SYT1: variants seen among roughly 807,000 people sequenced by gnomAD.
SYT1 encodes the protein synaptotagmin-1.
Under a neutral mutation model 44.8 loss-of-function variants are expected in SYT1, and 8 were observed. The observed-to-expected ratio is 0.18, with a 90% CI of 0.10 to 0.32. The LOEUF (loss-of-function observed/expected upper bound fraction) is 0.32, where lower values mean the gene tolerates loss of function less well. Among genes scored for constraint, SYT1 ranks in the 10% least tolerant of loss-of-function variants. The pLI is 1.00. For synonymous variants in SYT1, 154 were observed against 188.8 expected (o/e 0.82, Z 1.51); for missense variants, 286 against 509.3 (o/e 0.56, Z 4.22).
intron 1 of SYT1, among the ~76,000 whole-genome samples, chr12:78,945,253 C>T (rs568826965): frequency 6.6e-6 from 1 of 151,906 alleles, no homozygotes; most frequent in Admixed American, 6.5e-5. Flanking sequence ...AATATAAATG[C>T]ACCTTAACTT....
chr12:79,190,907 A>G (rs1019549190), intron 3 of SYT1, among the ~76,000 whole-genome samples: 26 of 152,040 alleles, frequency 1.7e-4, no homozygotes, highest in African/African-American at 6.3e-4. Context: ...CCATGTCCCC[A>G]ATAATGAGAG....
intron 2 of SYT1, among the ~76,000 whole-genome samples, chr12:79,023,288 T>C: frequency 6.6e-6 from 1 of 151,928 alleles, no homozygotes; most frequent in East Asian, 1.9e-4. Flanking sequence ...ATGGCTGTCA[T>C]TGTGCTCTGA....
chr12:79,307,627 TG>T (rs1323331848), intron 8 of SYT1, among the ~76,000 whole-genome samples: 4 of 8,100 alleles, frequency 4.9e-4, no homozygotes, highest in Non-Finnish European at 1.3e-3. Context: ...GGGGTGGGGG[TG>T]GGGGGGCGTG....
chr12:79,045,426 C>G (rs1480502610), intron 2 of SYT1: 3 of 153,486 alleles, frequency 2.0e-5, no homozygotes, highest in African/African-American at 7.2e-5. Flanking sequence ...CGAAAGGGAA[C>G]TCCCTGACCC....
intron 3 of SYT1, among the ~76,000 whole-genome samples, chr12:79,061,318 T>A (rs1293062167): frequency 6.6e-6 from 1 of 152,014 alleles, no homozygotes; most frequent in East Asian, 2.0e-4. Flanking sequence ...GACACGCTCA[T>A]ATACACATAT....
intron 9 of SYT1, among the ~76,000 whole-genome samples, chr12:79,390,138 T>C (rs1884597839): frequency 6.6e-6 from 1 of 152,038 alleles, no homozygotes; most frequent in Non-Finnish European, 1.5e-5. Context: ...TTTCACTGTT[T>C]TAGCCAGGAT....
chr12:79,442,367 G>C (rs915884050), intron 9 of SYT1, among the ~76,000 whole-genome samples: 1 of 152,162 alleles, frequency 6.6e-6, no homozygotes, highest in African/African-American at 2.4e-5. Context: ...ACTGTTTACA[G>C]TGGATTTTTT....
intron 3 of SYT1, among the ~76,000 whole-genome samples, chr12:79,068,268 T>C (rs1876014971): frequency 6.6e-6 from 1 of 152,180 alleles, no homozygotes; most frequent in African/African-American, 2.4e-5. Flanking sequence ...GAGATTCCAA[T>C]TAGTAAATTA....
chr12:78,985,437 GAAT>G (rs1431560751), intron 2 of SYT1, among the ~76,000 whole-genome samples: 2 of 151,742 alleles, frequency 1.3e-5, no homozygotes, highest in South Asian at 2.1e-4. Flanking sequence ...TGAATACATA[GAAT>G]AATCAGACTA....
At chr12:79,283,659 T>G (rs1278919637) in intron 4 of SYT1, among the ~76,000 whole-genome samples, 2 of 152,132 alleles carry the variant, frequency 1.3e-5, no homozygotes, top group African/African-American at 4.8e-5. Flanking sequence ...TTTAACTAAA[T>G]CAATGGAGAT....
chr12:79,349,717 A>G (rs1882805934), intron 8 of SYT1, among the ~76,000 whole-genome samples: 1 of 152,186 alleles, frequency 6.6e-6, no homozygotes. Flanking sequence ...CATCACCATA[A>G]TCCCACCAAA....
At chr12:79,390,366 G>C (rs1052813197) in intron 9 of SYT1, among the ~76,000 whole-genome samples, 5 of 152,106 alleles carry the variant, frequency 3.3e-5, no homozygotes, top group African/African-American at 1.2e-4. Flanking sequence ...AATATTGATA[G>C]GTACAAAGGC....
At chr12:79,319,548 T>C (rs1780056503) in intron 8 of SYT1, among the ~76,000 whole-genome samples, 1 of 152,128 alleles carries the variant, frequency 6.6e-6, no homozygotes, top group African/African-American at 2.4e-5. Context: ...CTGCAATACA[T>C]ACACTCCACA....
intron 3 of SYT1, among the ~76,000 whole-genome samples, chr12:79,055,006 A>G (rs1253921885): frequency 6.6e-6 from 1 of 151,948 alleles, no homozygotes; most frequent in Non-Finnish European, 1.5e-5. Context: ...TTATAATCTT[A>G]TTATAGCATA....
chr12:78,972,529 CA>C (rs1350342159), intron 1 of SYT1, among the ~76,000 whole-genome samples: 1,384 of 126,300 alleles, frequency 0.011, 18 homozygotes, highest in African/African-American at 0.037. Context: ...CTTTTCTCAG[CA>C]AAAAAAAAAT....
At chr12:78,919,510 A>T (rs1474694748) in intron 1 of SYT1, among the ~76,000 whole-genome samples, 1 of 152,054 alleles carries the variant, frequency 6.6e-6, no homozygotes, top group African/African-American at 2.4e-5. Flanking sequence ...AGTTCCCCTT[A>T]CATTTTTGCT....
intron 1 of SYT1, among the ~76,000 whole-genome samples, chr12:78,929,446 A>AAAAAG: frequency 7.8e-6 from 1 of 128,590 alleles, no homozygotes; most frequent in African/African-American, 3.9e-5. Context: ...AAAAAAAAAA[A>AAAAAG]GGTTATTAGC....
chr12:79,054,908 G>A (rs1592706575), intron 3 of SYT1, among the ~76,000 whole-genome samples: 1 of 151,910 alleles, frequency 6.6e-6, no homozygotes, highest in South Asian at 2.1e-4. Flanking sequence ...GAGTAAAATG[G>A]GTTTCCCACA....
chr12:79,307,197 C>T (rs896103252), intron 8 of SYT1, among the ~76,000 whole-genome samples: 5 of 152,112 alleles, frequency 3.3e-5, no homozygotes, highest in African/African-American at 1.2e-4. Context: ...TTGACTTGTA[C>T]TAGTTGTACT....
Sources: gnomAD v4.1 joint callset for allele counts (sites outside exome capture counted in the v4.1 genomes callset) on GRCh38, gnomAD v4.1.1 for gene constraint, MANE v1.5 for transcripts, NCBI Gene and HGNC (gene_info 2026-07-23, HGNC 2026-07-21) for gene names.